The following KHDRBS1 variants were observed in gnomAD, a reference collection of about 807,000 sequenced individuals.
KHDRBS1 encodes KH domain-containing, RNA-binding, signal transduction-associated protein 1.
Under a neutral mutation model 48.4 loss-of-function variants are expected in KHDRBS1, and 7 were observed. The ratio of observed to expected loss-of-function variants is 0.14; its 90% confidence interval spans 0.08 to 0.27. The LOEUF (loss-of-function observed/expected upper bound fraction) is 0.27, where lower values mean the gene tolerates loss of function less well. KHDRBS1 is among the 10% of genes least tolerant of loss of function. KHDRBS1 has a pLI of 1.00. For missense variants in KHDRBS1, 458 were observed against 601.2 expected (o/e 0.76, Z 2.49); for synonymous variants, 241 against 235.8 (o/e 1.02, Z -0.20).
chr1:32,025,079 G>A (rs577473631), intron 1 of KHDRBS1, among the ~76,000 whole-genome samples: 15 of 151,372 alleles, frequency 9.9e-5, no homozygotes, highest in East Asian at 2.0e-4. Context: ...ACCAACCTGG[G>A]CAAAATAGGG....
Position 32,014,256 on chromosome 1 carries a change from G to GC in KHDRBS1, c.267dup (p.Ser90LeufsTer41), listed in dbSNP as rs1258549955. 6.5e-7 allele frequency: 1 copy of GC among 1,539,186 alleles called. No individual in the cohort carries two copies. Among genetic ancestry groups the GC allele is most frequent in the Non-Finnish European group, 8.8e-7 (1 of 1,141,982 alleles). On this transcript the variant is annotated frameshift_variant, in exon 1 of 9. Transcript: ENST00000327300. LOFTEE classifies it high-confidence loss of function. ...GCGGGCCAGCGCCGACCCCGCTGCT[G>GC]CCCCCCTCGGCCACAGCCTCGGTCA...
intron 8 of KHDRBS1, 107 bp from the exon 9 acceptor site, chr1:32,042,420 T>A: frequency 1.4e-6 from 1 of 713,518 alleles, no homozygotes; most frequent in Admixed American, 2.3e-5. Context: ...GTCAAGACAT[T>A]AGAAGAAACT....
At position 32,059,540 on chromosome 1, in the gene KHDRBS1, T is replaced by TAA. The variant is rs77286462; in HGVS notation, n.1302-610_1302-609dup. On this transcript the variant is annotated intron_variant and non_coding_transcript_variant, in intron 10 of 10. Transcript: ENST00000484270. Reference sequence around the variant, plus strand: ...GAGTGACAAAGCAAGACTCTTTCTTTAAAAAAAAAAAAAAGAAGAAGAAGA... The same window carrying TAA: ...GAGTGACAAAGCAAGACTCTTTCTTTAAAAAAAAAAAAAAAAGAAGAAGAAGA... Among the ~76,000 whole-genome samples, 325 of 139,546 alleles carry TAA rather than the reference T, an allele frequency of 2.3e-3. 2 individuals are homozygous for TAA. Among genetic ancestry groups the TAA allele is most frequent in the African/African-American group, 8.2e-3 (313 of 38,108 alleles). The allele number at this position is 139,546 out of a possible 152,430, so 91.5% of individuals were successfully genotyped here.
chr1:32,031,977 G>C (rs1201388034), intron 3 of KHDRBS1, among the ~76,000 whole-genome samples: 1 of 152,174 alleles, frequency 6.6e-6, no homozygotes, highest in African/African-American at 2.4e-5. Flanking sequence ...GCAGACAAAA[G>C]ACGCTAAAAT....
chr1:32,045,194 CTT>C (rs776136867), downstream of KHDRBS1: 34 of 152,598 alleles, frequency 2.2e-4, no homozygotes, highest in Admixed American at 3.9e-4. Context: ...CACAATGAAA[CTT>C]TACTTAAAAT....
intron 10 of KHDRBS1, among the ~76,000 whole-genome samples, chr1:32,054,990 C>T (rs1358230971): frequency 6.6e-6 from 1 of 152,112 alleles, no homozygotes; most frequent in East Asian, 1.9e-4. Flanking sequence ...CCACAGAGTC[C>T]AAGAGATGGA....
chr1:32,057,522 G>A (rs1013057331), intron 10 of KHDRBS1, among the ~76,000 whole-genome samples: 11 of 150,812 alleles, frequency 7.3e-5, no homozygotes, highest in African/African-American at 1.2e-4. Flanking sequence ...GAGGTCAGCC[G>A]GGCGTGGTGG....
At chr1:32,046,284 A>AGCTCACTGCAACCTCC (rs1441698818), downstream of KHDRBS1, among the ~76,000 whole-genome samples, 1 of 151,438 alleles carries the variant, frequency 6.6e-6, no homozygotes, top group African/African-American at 2.4e-5. Flanking sequence ...GCGCAATCTC[A>AGCTCACTGCAACCTCC]GCTCACTGCA....
chr1:32,052,061 GA>G (rs1377710249), intron 10 of KHDRBS1, among the ~76,000 whole-genome samples: 1 of 152,172 alleles, frequency 6.6e-6, no homozygotes. Flanking sequence ...GTGAGATAGG[GA>G]AAATAGGCAG....
At chr1:32,015,650 G>A (rs1372789110) in intron 1 of KHDRBS1, among the ~76,000 whole-genome samples, 1 of 152,098 alleles carries the variant, frequency 6.6e-6, no homozygotes, top group African/African-American at 2.4e-5. Flanking sequence ...TTTTTAACTT[G>A]GGCTTTCTGG....
intron 10 of KHDRBS1, among the ~76,000 whole-genome samples, chr1:32,055,471 T>C (rs1385680085): frequency 6.6e-6 from 1 of 152,038 alleles, no homozygotes; most frequent in Non-Finnish European, 1.5e-5. Context: ...AGTTGGATCC[T>C]TATGAGCCCT....
chr1:32,048,712 T>C (rs887332248), downstream of KHDRBS1, among the ~76,000 whole-genome samples: 4 of 152,156 alleles, frequency 2.6e-5, no homozygotes, highest in African/African-American at 7.2e-5. Context: ...TATTGAGATA[T>C]AATTCACATA....
chr1:32,022,976 C>T (rs1638891384), intron 1 of KHDRBS1, among the ~76,000 whole-genome samples: 1 of 151,466 alleles, frequency 6.6e-6, no homozygotes, highest in Non-Finnish European at 1.5e-5. Flanking sequence ...ATATAATTTT[C>T]CCAGACTTCT....
At chr1:32,017,952 T>A (rs978406961) in intron 1 of KHDRBS1, among the ~76,000 whole-genome samples, 4 of 152,040 alleles carry the variant, frequency 2.6e-5, no homozygotes, top group African/African-American at 9.7e-5. Flanking sequence ...TTAGTATAAG[T>A]GACTCAAGAA....
Position 32,014,374 on chromosome 1 carries a change from G to A in KHDRBS1, c.379G>A (p.Ala127Thr). Residue 127 changes from alanine (A) to threonine (T), a missense_variant, in exon 1 of 9, where the codon GCA becomes ACA. This residue lies in a region of KHDRBS1 where 213 missense variants were observed against 215.6 expected (regional missense o/e 0.99). Transcript: ENST00000327300. ...CACTCACGCCATGCAGCTGCTGACG[G>A]CAGGTAAGGGGGCCTCCCGTGTCCC... Reference protein sequence around the residue: ...SFTHAMQLLTAEIEKIQKGDS... With the variant: ...SFTHAMQLLTTEIEKIQKGDS... 7.1e-7 allele frequency: 1 copy of A among 1,415,386 alleles called. No individual in the cohort carries two copies. The highest frequency in any genetic ancestry group is 9.4e-7 in the Non-Finnish European group (1 of 1,066,532). The allele number at this position is 1,415,386 out of a possible 1,614,324, so 87.7% of individuals were successfully genotyped here.
At chr1:32,027,432 A>T (rs1403763909) in intron 1 of KHDRBS1, among the ~76,000 whole-genome samples, 2 of 152,196 alleles carry the variant, frequency 1.3e-5, no homozygotes, top group African/African-American at 4.8e-5. Context: ...AGAGGTCAGG[A>T]TCTGCCACCA....
intron 8 of KHDRBS1, among the ~76,000 whole-genome samples, chr1:32,040,275 G>C (rs1303912023): frequency 2.0e-5 from 3 of 152,112 alleles, no homozygotes; most frequent in African/African-American, 7.2e-5. Flanking sequence ...AATTAGCCAG[G>C]TGTGGTGGTG....
chr1:32,028,031 C>G (rs535665874), intron 1 of KHDRBS1, among the ~76,000 whole-genome samples: 1 of 152,206 alleles, frequency 6.6e-6, no homozygotes, highest in African/African-American at 2.4e-5. Flanking sequence ...GCAGGAGAAT[C>G]GCTTGAACCC....
chr1:32,014,981 C>T (rs1015616378), intron 1 of KHDRBS1, among the ~76,000 whole-genome samples: 3 of 152,126 alleles, frequency 2.0e-5, no homozygotes, highest in South Asian at 4.1e-4. Flanking sequence ...ATCAGATTTC[C>T]GACTAAGGCT....
Sources: allele counts gnomAD v4.1 joint callset (sites outside exome capture counted in the v4.1 genomes callset), GRCh38; gene constraint gnomAD v4.1.1; regional missense constraint gnomAD v4.1.1; transcripts MANE v1.5; gene names NCBI Gene and HGNC (gene_info 2026-07-23, HGNC 2026-07-21).